RRM1: variants seen among roughly 807,000 people sequenced by gnomAD.
RRM1 encodes ribonucleoside-diphosphate reductase large subunit.
Under a neutral mutation model 101.5 loss-of-function variants are expected in RRM1, and 19 were observed. The ratio of observed to expected loss-of-function variants is 0.19; its 90% CI spans 0.13 to 0.27. The LOEUF (loss-of-function observed/expected upper bound fraction) is 0.27. RRM1 is among the 10% of genes least tolerant of loss of function. The pLI is 1.00. For missense variants in RRM1, 500 were observed against 962.9 expected (o/e 0.52, Z 6.36); for synonymous variants, 298 against 323.4 (o/e 0.92, Z 0.84).
chr11:4,107,344 G>A (rs752768733), intron 3 of RRM1, 91 bp from the exon 4 acceptor site: 19 of 873,796 alleles, frequency 2.2e-5, no homozygotes, highest in Non-Finnish European at 3.4e-5. Flanking sequence ...GACAAAAAGG[G>A]TTGAGAACCA....
intron 7 of RRM1, among the ~76,000 whole-genome samples, chr11:4,114,652 C>A (rs866140973): frequency 2.2e-4 from 34 of 152,030 alleles, no homozygotes; most frequent in Admixed American, 5.9e-4. Context: ...ATATTTTCTT[C>A]AATAATAAAT....
At chr11:4,126,332 A>G (rs1359250445) in intron 12 of RRM1, among the ~76,000 whole-genome samples, 1 of 152,228 alleles carries the variant, frequency 6.6e-6, no homozygotes, top group Admixed American at 6.5e-5. Context: ...AGTGGCTACC[A>G]TATTGCAGGG....
chr11:4,121,436 C>T (rs2094581728), intron 9 of RRM1, 168 bp from the exon 10 acceptor site: 4 of 472,352 alleles, frequency 8.5e-6, no homozygotes, highest in Non-Finnish European at 1.1e-5. Context: ...TAAAATATTA[C>T]TTTTACAATT....
In RRM1 at chr11:4,118,465, G is replaced by C. The variant is rs758434062; in HGVS notation, c.792+4G>C. 3.0e-5 allele frequency: 48 copies of C among 1,613,628 alleles called. No individual in the cohort carries two copies. The highest frequency in any genetic ancestry group is 3.8e-5 in the Non-Finnish European group (45 of 1,179,832). On this transcript the variant is annotated splice_donor_region_variant and intron_variant, in intron 8 of 18. Coordinates refer to ENST00000300738, the MANE Select transcript of RRM1 (RefSeq NM_001033.5). ...TACTGGCAGCTACATTGCTGGGGTA[G>C]GTTTCTGCCATTTGACTTTTAAAGG...
intron 5 of RRM1, 25 bp from the exon 6 acceptor site, chr11:4,111,575 AT>A: frequency 6.3e-7 from 1 of 1,577,970 alleles, no homozygotes; most frequent in Non-Finnish European, 8.6e-7. Flanking sequence ...TGCTCTGAAA[AT>A]TTTTTGTTGT....
intron 1 of RRM1, among the ~76,000 whole-genome samples, chr11:4,097,506 T>C (rs902756573): frequency 6.6e-6 from 1 of 152,074 alleles, no homozygotes; most frequent in Non-Finnish European, 1.5e-5. Context: ...TGTTTTTTAA[T>C]ATGCATAGGG....
At chr11:4,134,393 G>C (rs937150529) in intron 17 of RRM1, among the ~76,000 whole-genome samples, 2 of 152,182 alleles carry the variant, frequency 1.3e-5, no homozygotes, top group Non-Finnish European at 2.9e-5. Context: ...CATGGTTGAC[G>C]ACTGATAGTC....
At chr11:4,111,668 C>A (rs199510349) in intron 6 of RRM1, 28 bp downstream of exon 6, 1 of 1,557,458 alleles carries the variant, frequency 6.4e-7, no homozygotes, top group Non-Finnish European at 8.8e-7. Context: ...TTGTCTGTTA[C>A]ATTTTCTACT....
At chr11:4,125,459 A>G (rs558489045) in intron 12 of RRM1, among the ~76,000 whole-genome samples, 1 of 152,134 alleles carries the variant, frequency 6.6e-6, no homozygotes, top group Non-Finnish European at 1.5e-5. Flanking sequence ...CTTTCCATCC[A>G]GAGTTCTTAC....
At chr11:4,127,341 C>A in intron 14 of RRM1, 85 bp downstream of exon 14, 1 of 747,610 alleles carries the variant, frequency 1.3e-6, no homozygotes, top group Admixed American at 3.3e-5. Context: ...TGTCCACATC[C>A]TAATTCCTGG....
At chr11:4,119,723 A>G in intron 8 of RRM1, 122 bp from the exon 9 acceptor site, 1 of 692,744 alleles carries the variant, frequency 1.4e-6, no homozygotes, top group Non-Finnish European at 2.6e-6. Context: ...GATGGAGAGC[A>G]GGTAAAACTT....
chr11:4,135,185 T>C lies in RRM1; in HGVS notation c.2105T>C (p.Ile702Thr), dbSNP rs375160814. The change falls in exon 18 of 19, where the codon ATT (isoleucine) becomes ACT (threonine). Residue 702 changes from isoleucine (I) to threonine (T), a missense_variant. Physicochemically the swap from Ile to Thr is moderately conservative, Grantham distance 89. Transcript: ENST00000300738. ...ATGGCAGCTGAGAGAGGTGCTTTCATTGATCAAAGCCAATCTTTGAACATC... is the reference window on the plus strand; with the variant it reads ...ATGGCAGCTGAGAGAGGTGCTTTCACTGATCAAAGCCAATCTTTGAACATC... ...LKMAAERGAF[I>T]DQSQSLNIHI... The C allele has an allele frequency of 1.1e-5, 17 of 1,613,856 alleles. No individual in the cohort carries two copies. The highest frequency in any genetic ancestry group is 1.4e-5 in the Non-Finnish European group (17 of 1,179,848).
chr11:4,096,705 G>A (rs2133281351), intron 1 of RRM1, among the ~76,000 whole-genome samples: 1 of 151,810 alleles, frequency 6.6e-6, no homozygotes, highest in South Asian at 2.1e-4. Context: ...GTCTCGCTAT[G>A]TTGCCCAGGC....
At chr11:4,112,364 CT>C (rs923415394) in intron 7 of RRM1, among the ~76,000 whole-genome samples, 133 of 145,992 alleles carry the variant, frequency 9.1e-4, no homozygotes, top group South Asian at 1.3e-3. Context: ...AATTATATTC[CT>C]TTTTTTTTTT....
chr11:4,109,313 C>G (rs11030980), intron 4 of RRM1, among the ~76,000 whole-genome samples: 61,353 of 151,624 alleles, frequency 0.4, 14,450 homozygotes, highest in Non-Finnish European at 0.54. Context: ...CCCATTTATG[C>G]TCATGTTTTT....
intron 11 of RRM1, among the ~76,000 whole-genome samples, chr11:4,122,532 G>A (rs2094583304): frequency 6.6e-6 from 1 of 152,068 alleles, no homozygotes; most frequent in African/African-American, 2.4e-5. Context: ...GCTTTATGTT[G>A]CATAAAGGAA....
intron 12 of RRM1, among the ~76,000 whole-genome samples, chr11:4,125,470 A>G (rs1295722886): frequency 6.6e-6 from 1 of 152,142 alleles, no homozygotes. Flanking sequence ...GAGTTCTTAC[A>G]GTGCCCTACA....
chr11:4,107,569 G>C, intron 4 of RRM1, 34 bp downstream of exon 4: 1 of 1,402,902 alleles, frequency 7.1e-7, no homozygotes, highest in South Asian at 1.2e-5. Context: ...GAAATTTTTT[G>C]AGAGTCTTTT....
rs373855086 is a variant in RRM1, at chr11:4,106,195, G to A, written c.258G>A (p.Leu86=). The A allele has an allele frequency of 1.2e-6, 2 of 1,613,342 alleles. No individual in the cohort carries two copies. The highest frequency in any genetic ancestry group is 1.7e-6 in the Non-Finnish European group (2 of 1,179,844). The change falls in exon 3 of 19, where the codon TTG becomes TTA. Residue 86 remains leucine (L), a synonymous_variant. Coordinates refer to ENST00000300738, the MANE Select transcript of RRM1 (RefSeq NM_001033.5). ...CAGCCAGGATCGCTGTCTCTAACTTGCACAAAGAAACAAAGAAAGTGTTCA... is the reference window on the plus strand; with the variant it reads ...CAGCCAGGATCGCTGTCTCTAACTTACACAAAGAAACAAAGAAAGTGTTCA... The part of the protein sequence containing the change: ...ILAARIAVSN[L]HKETKKVFSD...
Sources: allele counts gnomAD v4.1 joint callset (sites outside exome capture counted in the v4.1 genomes callset), GRCh38; gene constraint gnomAD v4.1.1; transcripts MANE v1.5; gene names NCBI Gene and HGNC (gene_info 2026-07-23, HGNC 2026-07-21).